Variants in EDIL3 observed in about 807,000 individuals in gnomAD.
EDIL3 encodes the protein EGF like and discoidin domains 3, also known as EGF-like repeat and discoidin I-like domain-containing protein 3.
A neutral mutation model predicts 67.4 loss-of-function variants in EDIL3; 37 were observed. The observed-to-expected ratio is 0.55, with a 90% CI of 0.42 to 0.72. The LOEUF (loss-of-function observed/expected upper bound fraction) is 0.72. Among genes scored for constraint, EDIL3 ranks in the 30% least tolerant of loss-of-function variants. The pLI, the probability that EDIL3 is intolerant of heterozygous loss-of-function variation, is 0.00. For synonymous variants in EDIL3, 195 were observed against 196.3 expected (o/e 0.99, Z 0.05); for missense variants, 527 against 586.3 (o/e 0.90, Z 1.04).
chr5:84,178,122 T>G (rs1051380477), intron 4 of EDIL3, among the ~76,000 whole-genome samples: 2 of 152,226 alleles, frequency 1.3e-5, no homozygotes, highest in African/African-American at 4.8e-5. Flanking sequence ...TATTATTATG[T>G]AACTGAACGT....
intron 9 of EDIL3, among the ~76,000 whole-genome samples, chr5:83,995,480 T>C (rs1017702611): frequency 6.6e-6 from 1 of 152,148 alleles, no homozygotes; most frequent in Non-Finnish European, 1.5e-5. Flanking sequence ...GCAATAATCA[T>C]TAAAACTGCT....
At chr5:84,230,682 C>T (rs1285377866) in intron 2 of EDIL3, among the ~76,000 whole-genome samples, 2 of 152,016 alleles carry the variant, frequency 1.3e-5, no homozygotes, top group East Asian at 1.9e-4. Context: ...GCTGGGATTA[C>T]AGGCATGAGC....
At chr5:83,972,970 C>T (rs1205941238) in intron 9 of EDIL3, among the ~76,000 whole-genome samples, 1 of 151,846 alleles carries the variant, frequency 6.6e-6, no homozygotes, top group East Asian at 1.9e-4. Flanking sequence ...TCAAGTTAGG[C>T]TAATTATCCA....
rs1745082572 is a variant in EDIL3, at chr5:84,254,118, G to A, written c.162C>T (p.Phe54=). Residue 54 remains phenylalanine, a synonymous_variant, in exon 2 of 11, where the codon TTC becomes TTT. Transcript: ENST00000296591. ...CAACACTAGAACAGTTGGGGTCTGT[G>A]AAGCCATCTGGACACTCACAGGAAA... ...GSFSCECPDG[F]TDPNCSSVVE... The A allele has an allele frequency of 6.2e-7, 1 of 1,612,052 alleles. No individual in the cohort carries two copies. The highest frequency in any genetic ancestry group is 1.3e-5 in the African/African-American group (1 of 74,820).
chr5:84,041,566 AGTATATATAT>A (rs1561412206), intron 9 of EDIL3, among the ~76,000 whole-genome samples: 2 of 146,826 alleles, frequency 1.4e-5, no homozygotes. Flanking sequence ...ATACATATAT[AGTATATATAT>A]GTATATACTA....
At chr5:84,183,606 GA>G (rs1220409735) in intron 3 of EDIL3, among the ~76,000 whole-genome samples, 2 of 152,082 alleles carry the variant, frequency 1.3e-5, no homozygotes, top group African/African-American at 2.4e-5. Context: ...CTTAATATGA[GA>G]AAAATTAGGT....
At chr5:84,029,428 T>C (rs544308121) in intron 9 of EDIL3, among the ~76,000 whole-genome samples, 151 of 152,286 alleles carry the variant, frequency 9.9e-4, no homozygotes, top group African/African-American at 3.4e-3. Flanking sequence ...CTCTTTATTT[T>C]GTAAATTGCT....
chr5:84,109,436 G>A (rs1747520356), intron 5 of EDIL3, among the ~76,000 whole-genome samples: 1 of 152,124 alleles, frequency 6.6e-6, no homozygotes, highest in African/African-American at 2.4e-5. Flanking sequence ...AAGCCAGGAG[G>A]CGGAGGTTGC....
At chr5:84,091,846 A>G (rs985764531) in intron 6 of EDIL3, among the ~76,000 whole-genome samples, 1 of 152,210 alleles carries the variant, frequency 6.6e-6, no homozygotes, top group Non-Finnish European at 1.5e-5. Flanking sequence ...GTTACATTAG[A>G]GGCAATATGA....
At chr5:84,267,582 T>A (rs947339447) in intron 1 of EDIL3, among the ~76,000 whole-genome samples, 1 of 152,162 alleles carries the variant, frequency 6.6e-6, no homozygotes, top group Non-Finnish European at 1.5e-5. Flanking sequence ...CTTGGAAAAT[T>A]TTTTGAATGG....
intron 2 of EDIL3, among the ~76,000 whole-genome samples, chr5:84,246,200 G>T (rs983955973): frequency 6.6e-6 from 1 of 152,146 alleles, no homozygotes; most frequent in African/African-American, 2.4e-5. Flanking sequence ...TCTTGCATCC[G>T]CACATTTGTA....
At chr5:83,996,765 A>G in intron 9 of EDIL3, among the ~76,000 whole-genome samples, 1 of 152,224 alleles carries the variant, frequency 6.6e-6, no homozygotes, top group East Asian at 1.9e-4. Context: ...TCTTCCTAGA[A>G]AAGGTGATAT....
chr5:84,355,261 C>T (rs904721467), intron 1 of EDIL3, among the ~76,000 whole-genome samples: 3 of 151,742 alleles, frequency 2.0e-5, no homozygotes, highest in Admixed American at 1.3e-4. Context: ...TCCTTTCTTC[C>T]GCTTGATTAA....
At chr5:84,069,182 A>T (rs1404513314) in intron 6 of EDIL3, among the ~76,000 whole-genome samples, 1 of 152,188 alleles carries the variant, frequency 6.6e-6, no homozygotes, top group Non-Finnish European at 1.5e-5. Context: ...ATTTCAGAGA[A>T]ATTGTTGTTC....
In EDIL3 at chr5:83,941,363, G is replaced by T. The variant is rs546475987; in HGVS notation, c.*2056C>A. The T allele has an allele frequency of 6.6e-6, 1 of 151,904 alleles. No individual in the cohort carries two copies. Among genetic ancestry groups the T allele is most frequent in the East Asian group, 1.9e-4 (1 of 5,158 alleles). 9.4% of individuals were successfully genotyped at this position (151,904 alleles called of 1,614,324 possible). On this transcript the variant is annotated 3_prime_UTR_variant, in exon 11 of 11. Coordinates refer to ENST00000296591, the MANE Select transcript of EDIL3 (RefSeq NM_005711.5). ...TCCTTGGAAAATATTTTTAAAACAG[G>T]TATCAATAGAAAAAATTACAAAACA...
chr5:84,044,290 G>A (rs1289959000), intron 9 of EDIL3, among the ~76,000 whole-genome samples: 2 of 152,040 alleles, frequency 1.3e-5, no homozygotes, highest in Admixed American at 6.6e-5. Context: ...CTTTCCTACA[G>A]GACTCTTAAG....
intron 8 of EDIL3, among the ~76,000 whole-genome samples, chr5:84,062,955 T>A (rs1746570739): frequency 6.6e-6 from 1 of 152,118 alleles, no homozygotes; most frequent in Non-Finnish European, 1.5e-5. Context: ...ATTTCTATAA[T>A]GAAGTGCTCT....
intron 1 of EDIL3, among the ~76,000 whole-genome samples, chr5:84,314,732 A>C (rs1746475351): frequency 6.6e-6 from 1 of 152,176 alleles, no homozygotes; most frequent in Non-Finnish European, 1.5e-5. Flanking sequence ...AAATAGAATT[A>C]TAGCCTATAA....
chr5:83,983,839 T>C (rs530436293), intron 9 of EDIL3, among the ~76,000 whole-genome samples: 1 of 150,376 alleles, frequency 6.6e-6, no homozygotes, highest in East Asian at 2.0e-4. Flanking sequence ...GGAATAGGAA[T>C]GGGTTAACAC....
Sources: allele counts gnomAD v4.1 joint callset (sites outside exome capture counted in the v4.1 genomes callset), GRCh38; gene constraint gnomAD v4.1.1; transcripts MANE v1.5; gene names NCBI Gene and HGNC (gene_info 2026-07-23, HGNC 2026-07-21).